The following DPYSL3 variants were observed in gnomAD, a reference collection of about 807,000 sequenced individuals.
DPYSL3 encodes dihydropyrimidinase like 3.
A neutral mutation model predicts 66.1 loss-of-function variants in DPYSL3; 16 were observed. The observed-to-expected ratio is 0.24, with a 90% CI of 0.16 to 0.37. The LOEUF is 0.37. DPYSL3 is among the 10% of genes least tolerant of loss of function. The pLI, the probability that DPYSL3 is intolerant of heterozygous loss-of-function variation, is 1.00. For missense variants in DPYSL3, 738 were observed against 916.2 expected, an observed-to-expected ratio of 0.81 and a Z score of 2.51; for synonymous variants, 338 against 345.1, an observed-to-expected ratio of 0.98 and a Z score of 0.23.
chr5:147,478,866 G>T (rs1000209444), intron 1 of DPYSL3, among the ~76,000 whole-genome samples: 9 of 152,134 alleles, frequency 5.9e-5, no homozygotes, highest in Non-Finnish European at 1.2e-4. Context: ...GTCAGGGAAA[G>T]TGTCAGCCTC....
At chr5:147,397,457 T>C (rs6877057) in intron 12 of DPYSL3, among the ~76,000 whole-genome samples, 23,987 of 152,218 alleles carry the variant, frequency 0.16, 2,035 homozygotes, top group African/African-American at 0.19. Context: ...AAAAGTCATT[T>C]GGGAAAAAAA....
Position 147,415,700 on chromosome 5 carries a change from C to G in DPYSL3, c.820+9G>C. 1 of 1,612,376 alleles carries G rather than the reference C, an allele frequency of 6.2e-7. No individual in the cohort carries two copies. The highest frequency in any genetic ancestry group is 8.5e-7 in the Non-Finnish European group (1 of 1,179,122). On this transcript the variant is annotated intron_variant, in intron 4 of 13. Transcript: ENST00000343218. The stretch of plus-strand genomic sequence containing the variant: ...AAGAGAGGAGGGAGGACGGCATGTC[C>G]GGGCTCACCTTTGTCCTTGATGAGG...
intron 3 of DPYSL3, 145 bp downstream of exon 3, chr5:147,418,302 T>C: frequency 1.3e-6 from 1 of 770,782 alleles, no homozygotes; most frequent in African/African-American, 1.8e-5. Context: ...CAGCTCAATC[T>C]GCTTTTCTCA....
At chr5:147,453,830 G>A in intron 1 of DPYSL3, 1 of 1,042,988 alleles carries the variant, frequency 9.6e-7, no homozygotes, top group Non-Finnish European at 1.2e-6. Flanking sequence ...CTCCACCCGC[G>A]TTCACGCCCG....
At chr5:147,401,921 G>T in intron 8 of DPYSL3, 2 of 438,716 alleles carry the variant, frequency 4.6e-6, no homozygotes, top group Non-Finnish European at 3.9e-6. Context: ...GTTGTTAGAT[G>T]CAGTGTTAAT....
At position 147,413,732 on chromosome 5, in the gene DPYSL3, C is replaced by T. The variant is rs1461313521; in HGVS notation, c.821-75G>A. Reference sequence around the variant, plus strand: ...GACTGTCCTCCATCCTTTGCTCCCACTTCCATCGACCATAGCACCCAGCTG... The same window carrying T: ...GACTGTCCTCCATCCTTTGCTCCCATTTCCATCGACCATAGCACCCAGCTG... On this transcript the variant is annotated intron_variant, in intron 4 of 13. Transcript: ENST00000343218. 9 of 1,221,302 alleles carry T rather than the reference C, an allele frequency of 7.4e-6. No individual in the cohort carries two copies. In the East Asian group the frequency reaches 1.9e-4, roughly 26 times the overall value. 75.7% of individuals were successfully genotyped at this position (1,221,302 alleles called of 1,614,324 possible). A position where few individuals can be genotyped will look rare whatever the true frequency, so the allele number is the denominator to read the frequency against.
At chr5:147,415,092 C>G (rs1336380751) in intron 4 of DPYSL3, among the ~76,000 whole-genome samples, 2 of 152,132 alleles carry the variant, frequency 1.3e-5, no homozygotes, top group Non-Finnish European at 2.9e-5. Flanking sequence ...TCTAAGAAGA[C>G]AGTGGAACCT....
At chr5:147,486,442 C>T (rs1753330176) in intron 1 of DPYSL3, among the ~76,000 whole-genome samples, 1 of 152,158 alleles carries the variant, frequency 6.6e-6, no homozygotes, top group Non-Finnish European at 1.5e-5. Flanking sequence ...AAGGGTAGGA[C>T]AAAATAATCT....
chr5:147,498,912 G>A (rs189402530), intron 1 of DPYSL3, among the ~76,000 whole-genome samples: 67 of 152,182 alleles, frequency 4.4e-4, no homozygotes, highest in African/African-American at 1.4e-3. Flanking sequence ...CTGTGCAGAA[G>A]CTCCTTAGTT....
intron 1 of DPYSL3, among the ~76,000 whole-genome samples, chr5:147,496,454 G>C (rs1385904436): frequency 6.6e-6 from 1 of 152,004 alleles, no homozygotes; most frequent in Admixed American, 6.6e-5. Context: ...CCATCAGAGT[G>C]AACAGGCAAC....
rs775887640 is a variant in DPYSL3, at chr5:147,400,894, TA to T, written c.1311-62del. The T allele has an allele frequency of 6.5e-5, 103 of 1,579,288 alleles. 1 individual carries two copies. In the East Asian group the frequency reaches 1.6e-3, roughly 25 times the overall value. On this transcript the variant is annotated intron_variant, in intron 9 of 13. Transcript: ENST00000343218. ...GATGGCTGGAGGCACACTGGGAGCT[TA>T]GAGTCTTGTGTTTACTGTGAGGGTT...
chr5:147,430,060 A>G (rs984877791), intron 1 of DPYSL3, among the ~76,000 whole-genome samples: 2 of 152,172 alleles, frequency 1.3e-5, no homozygotes, highest in African/African-American at 2.4e-5. Flanking sequence ...TAACCATAAA[A>G]AACTCAGTGC....
intron 1 of DPYSL3, among the ~76,000 whole-genome samples, chr5:147,478,839 T>G (rs1753198336): frequency 6.6e-6 from 1 of 152,184 alleles, no homozygotes; most frequent in Non-Finnish European, 1.5e-5. Flanking sequence ...CTGCCTATCA[T>G]ACTGTACTGT....
At chr5:147,462,407 T>C (rs1752947198) in intron 1 of DPYSL3, among the ~76,000 whole-genome samples, 1 of 152,160 alleles carries the variant, frequency 6.6e-6, no homozygotes, top group Admixed American at 6.5e-5. Flanking sequence ...AAAATATGAC[T>C]AGATGAGCAA....
At chr5:147,495,486 T>C (rs1271433162) in intron 1 of DPYSL3, among the ~76,000 whole-genome samples, 1 of 152,160 alleles carries the variant, frequency 6.6e-6, no homozygotes, top group Non-Finnish European at 1.5e-5. Context: ...CATGATTGTA[T>C]ATCTAGAAAA....
At chr5:147,413,434 C>G (rs571349040) in intron 5 of DPYSL3, among the ~76,000 whole-genome samples, 162 bp downstream of exon 5, 2 of 152,274 alleles carry the variant, frequency 1.3e-5, no homozygotes, top group African/African-American at 4.8e-5. Flanking sequence ...TGCCTGTTAC[C>G]TTATTTAAAA....
At chr5:147,471,515 A>G (rs1231077739) in intron 1 of DPYSL3, among the ~76,000 whole-genome samples, 1 of 152,140 alleles carries the variant, frequency 6.6e-6, no homozygotes, top group African/African-American at 2.4e-5. Flanking sequence ...CCAATTTCCA[A>G]TTGGAAAGAA....
intron 1 of DPYSL3, chr5:147,453,815 CCCT>C: frequency 5.2e-6 from 6 of 1,164,228 alleles, no homozygotes; most frequent in Admixed American, 4.2e-5. Flanking sequence ...CCCACGCACA[CCCT>C]CCTCCACCCG....
At chr5:147,464,057 T>G (rs554317913) in intron 1 of DPYSL3, among the ~76,000 whole-genome samples, 1 of 152,278 alleles carries the variant, frequency 6.6e-6, no homozygotes, top group African/African-American at 2.4e-5. Context: ...AAAGGCCACA[T>G]GACCACAGGA....
Sources: gnomAD v4.1 joint callset for allele counts (sites outside exome capture counted in the v4.1 genomes callset) on GRCh38, gnomAD v4.1.1 for gene constraint, MANE v1.5 for transcripts, NCBI Gene and HGNC (gene_info 2026-07-23, HGNC 2026-07-21) for gene names.